ZNF469: variants seen among roughly 807,000 people sequenced by gnomAD.
ZNF469 encodes the protein zinc finger protein 469.
Under a neutral mutation model 1.0 loss-of-function variants are expected in ZNF469, and 1 was observed. The ratio of observed to expected loss-of-function variants is 1.00; its 90% CI spans 0.35 to 4.73. The LOEUF is 4.73. Among genes scored for constraint, ZNF469 ranks in the 30% most tolerant of loss-of-function variants. The pLI, the probability that ZNF469 is intolerant of heterozygous loss-of-function variation, is 0.16. For missense variants in ZNF469, 6,100 were observed against 5,356.3 expected (o/e 1.14, Z -4.33); for synonymous variants, 2,703 against 2,363.4 (o/e 1.14, Z -4.17).
chr16:88,357,084 C>A, the ZNF469 span, among the ~76,000 whole-genome samples: 662 of 152,350 alleles, frequency 4.3e-3, 4 homozygotes, highest in African/African-American at 0.014. Flanking sequence ...CCCAGTTGTA[C>A]CCTCTGACCC....
the ZNF469 span, among the ~76,000 whole-genome samples, chr16:88,305,272 AC>A: frequency 3.4e-5 from 5 of 147,574 alleles, no homozygotes; most frequent in Admixed American, 2.0e-4. Context: ...ACCCTCACAC[AC>A]ATGCTCTCAG....
At chr16:88,130,983 C>T in the ZNF469 span, among the ~76,000 whole-genome samples, 1 of 152,174 alleles carries the variant, frequency 6.6e-6, no homozygotes, top group Non-Finnish European at 1.5e-5. Context: ...GACGGGGGTG[C>T]GAGGGGCGTG....
chr16:88,430,818 C>A lies in ZNF469; in HGVS notation c.3348C>A (p.Gly1116=). Residue 1116 remains glycine, a synonymous_variant, in exon 3 of 3, where the codon GGC becomes GGA. Transcript: ENST00000565624. The part of the protein sequence containing the change: ...PRGPGFRGRR[G]RGEKRKEVEL... ...GCCCCGGCTTCAGAGGCCGGCGGGG[C>A]CGAGGCGAGAAGAGGAAGGAAGTGG... The A allele has an allele frequency of 6.5e-7, 1 of 1,532,772 alleles. No homozygotes were observed. Among genetic ancestry groups the A allele is most frequent in the East Asian group, 2.5e-5 (1 of 40,588 alleles). The allele number at this position is 1,532,772 out of a possible 1,614,324, so 94.9% of individuals were successfully genotyped here. A position where few individuals can be genotyped will look rare whatever the true frequency, so the allele number is the denominator to read the frequency against.
At chr16:88,376,873 G>A in the ZNF469 span, among the ~76,000 whole-genome samples, 6 of 152,168 alleles carry the variant, frequency 3.9e-5, no homozygotes, top group Non-Finnish European at 8.8e-5. Context: ...CAGGTGTGGT[G>A]TGTGCCCAGC....
chr16:88,193,321 A>G, the ZNF469 span, among the ~76,000 whole-genome samples: 4 of 147,210 alleles, frequency 2.7e-5, no homozygotes, highest in Non-Finnish European at 4.5e-5. Context: ...GATGGTGATG[A>G]TGGTGGTGAC....
chr16:88,136,295 C>G, the ZNF469 span, among the ~76,000 whole-genome samples: 3 of 152,246 alleles, frequency 2.0e-5, no homozygotes, highest in African/African-American at 7.2e-5. Context: ...CTGGCCCGCC[C>G]TACAGGCACA....
At chr16:88,272,314 T>G in the ZNF469 span, among the ~76,000 whole-genome samples, 25,973 of 84,258 alleles carry the variant, frequency 0.31, 3,343 homozygotes, top group African/African-American at 0.47. Flanking sequence ...TGGGAGGATG[T>G]ATGCATGCTG....
chr16:88,143,006 C>A, the ZNF469 span, among the ~76,000 whole-genome samples: 1 of 152,182 alleles, frequency 6.6e-6, no homozygotes, highest in Non-Finnish European at 1.5e-5. Flanking sequence ...TGCCTGAAAA[C>A]TGGGGGTGGC....
the ZNF469 span, among the ~76,000 whole-genome samples, chr16:88,290,530 C>G: frequency 6.6e-6 from 1 of 152,170 alleles, no homozygotes; most frequent in Admixed American, 6.5e-5. Context: ...CTGAGGCATT[C>G]CTGAAAGTTC....
At chr16:88,336,176 CACAT>C in the ZNF469 span, among the ~76,000 whole-genome samples, 1 of 150,694 alleles carries the variant, frequency 6.6e-6, no homozygotes, top group South Asian at 2.1e-4. Context: ...CAACACCACA[CACAT>C]TCATCCTTCA....
At chr16:88,353,375 T>C in the ZNF469 span, among the ~76,000 whole-genome samples, 1 of 152,130 alleles carries the variant, frequency 6.6e-6, no homozygotes, top group Admixed American at 6.5e-5. Context: ...ACTACTCCCA[T>C]GCCAATGACA....
chr16:88,207,442 C>T, the ZNF469 span, among the ~76,000 whole-genome samples: 24 of 148,606 alleles, frequency 1.6e-4, 8 homozygotes, highest in African/African-American at 3.5e-4. Context: ...GCTGAGGCTG[C>T]GCCTCCTGGT....
At chr16:88,203,446 C>T in the ZNF469 span, among the ~76,000 whole-genome samples, 19 of 149,060 alleles carry the variant, frequency 1.3e-4, no homozygotes, top group African/African-American at 4.6e-4. Flanking sequence ...AGCAGGGCCC[C>T]GTGTGAGCTC....
chr16:88,355,395 G>A, the ZNF469 span, among the ~76,000 whole-genome samples: 14 of 152,304 alleles, frequency 9.2e-5, no homozygotes, highest in Middle Eastern at 3.4e-3. Flanking sequence ...TACCCTCCCC[G>A]TCCCGCCACC....
chr16:88,247,441 T>C, the ZNF469 span, among the ~76,000 whole-genome samples: 1 of 150,556 alleles, frequency 6.6e-6, no homozygotes, highest in African/African-American at 2.5e-5. Flanking sequence ...AATGAGTGAA[T>C]AAGTGAGTGA....
At chr16:88,303,528 C>T in the ZNF469 span, among the ~76,000 whole-genome samples, 3 of 152,222 alleles carry the variant, frequency 2.0e-5, no homozygotes, top group African/African-American at 7.2e-5. Context: ...CCGGGAGGAA[C>T]ATTCTACTTG....
At chr16:88,187,485 C>T in the ZNF469 span, among the ~76,000 whole-genome samples, 14 of 152,234 alleles carry the variant, frequency 9.2e-5, no homozygotes, top group African/African-American at 2.2e-4. Context: ...GTGTGAATTA[C>T]GCCAATTACA....
chr16:88,266,298 A>T, the ZNF469 span, among the ~76,000 whole-genome samples: 71 of 152,344 alleles, frequency 4.7e-4, no homozygotes, highest in East Asian at 0.013. Flanking sequence ...GGCCAGGTCC[A>T]CGCTGACCAC....
the ZNF469 span, among the ~76,000 whole-genome samples, chr16:88,312,199 C>T: frequency 6.6e-6 from 1 of 152,206 alleles, no homozygotes; most frequent in South Asian, 2.1e-4. Flanking sequence ...TTATCTCCCA[C>T]CTGGTCCCTC....
Sources: allele counts gnomAD v4.1 joint callset (sites outside exome capture counted in the v4.1 genomes callset), GRCh38; gene constraint gnomAD v4.1.1; transcripts MANE v1.5; gene names NCBI Gene and HGNC (gene_info 2026-07-23, HGNC 2026-07-21).